The following SH3KBP1 variants were observed in gnomAD, a reference collection of about 807,000 sequenced individuals.
The protein encoded by SH3KBP1 is SH3 domain-containing kinase-binding protein 1.
Under a neutral mutation model 50.1 loss-of-function variants are expected in SH3KBP1, and 8 were observed. The ratio of observed to expected loss-of-function variants is 0.16; its 90% CI spans 0.09 to 0.29. SH3KBP1 has a LOEUF of 0.29. SH3KBP1 is among the 10% of genes least tolerant of loss of function. The probability of loss-of-function intolerance (pLI) is 1.00; values close to 1 mark genes in which losing one functional copy is unlikely to be tolerated. For synonymous variants in SH3KBP1, 227 were observed against 218.6 expected (o/e 1.04, Z -0.34); for missense variants, 377 against 535.2 (o/e 0.70, Z 2.92).
intron 3 of SH3KBP1, among the ~76,000 whole-genome samples, chrX:19,707,642 G>T (rs73459702): frequency 0.18 from 20,121 of 110,747 alleles, 1,667 homozygotes; most frequent in African/African-American, 0.3. Context: ...GACAAATCAA[G>T]ATAAGAGCCA....
chrX:19,692,673 G>GTA lies in SH3KBP1; in HGVS notation c.520+2937_520+2938dup, dbSNP rs1235922665. On this transcript the variant is annotated intron_variant, in intron 5 of 17. Transcript: ENST00000397821. ...TGTGTGTGTGTGTGTGTGTGTGTAT[G>GTA]TATATATATATATATATTTTTTTTT... is the stretch of plus-strand genomic sequence containing the variant. Among the ~76,000 whole-genome samples, 81 of 76,623 alleles carry GTA rather than the reference G, an allele frequency of 1.1e-3. 1 individual carries two copies. Among genetic ancestry groups the GTA allele is most frequent in the Admixed American group, 4.4e-3 (28 of 6,402 alleles). The allele number at this position is 76,623 out of a possible 115,157, so 66.5% of individuals were successfully genotyped here. A position where few individuals can be genotyped will look rare whatever the true frequency, so the allele number is the denominator to read the frequency against.
At chrX:19,702,656 T>TAA (rs756113280) in intron 4 of SH3KBP1, among the ~76,000 whole-genome samples, 2 of 103,180 alleles carry the variant, frequency 1.9e-5, no homozygotes, top group African/African-American at 7.1e-5. Flanking sequence ...CAATGCACTT[T>TAA]AAAAAAAAAA....
chrX:19,685,184 AT>A (rs767600271), intron 5 of SH3KBP1, among the ~76,000 whole-genome samples: 1 of 112,491 alleles, frequency 8.9e-6, no homozygotes, highest in South Asian at 3.6e-4. Flanking sequence ...CCAATTGTGC[AT>A]TATCTTCCTA....
chrX:19,722,858 G>A (rs2064108694), intron 3 of SH3KBP1, among the ~76,000 whole-genome samples: 2 of 109,377 alleles, frequency 1.8e-5, no homozygotes, highest in South Asian at 7.7e-4. Flanking sequence ...GTCTCAACCA[G>A]GCATGCTGGC....
intron 6 of SH3KBP1, among the ~76,000 whole-genome samples, chrX:19,672,007 C>T (rs2062809643): frequency 8.9e-6 from 1 of 112,118 alleles, no homozygotes; most frequent in Non-Finnish European, 1.9e-5. Context: ...ACTGCCTGCA[C>T]TGTATCTAAC....
intron 7 of SH3KBP1, among the ~76,000 whole-genome samples, chrX:19,632,734 T>C (rs1389515842): frequency 1.8e-5 from 2 of 112,886 alleles, no homozygotes; most frequent in Non-Finnish European, 3.7e-5. Context: ...TGTTAAATCA[T>C]CTCTATTTAT....
chrX:19,721,582 G>A (rs2064060679), intron 3 of SH3KBP1, among the ~76,000 whole-genome samples: 1 of 111,377 alleles, frequency 9.0e-6, no homozygotes, highest in Admixed American at 9.5e-5. Context: ...TAATTCTTTG[G>A]TTCCCTTTTT....
chrX:19,791,671 C>T (rs947975693), intron 2 of SH3KBP1, among the ~76,000 whole-genome samples: 47 of 111,178 alleles, frequency 4.2e-4, no homozygotes, highest in African/African-American at 1.4e-3. Flanking sequence ...TGAGAATTCA[C>T]GAGCATATAG....
intron 12 of SH3KBP1, among the ~76,000 whole-genome samples, chrX:19,581,835 C>A (rs1325629838): frequency 9.6e-6 from 1 of 103,930 alleles, no homozygotes; most frequent in African/African-American, 3.6e-5. Flanking sequence ...ATCCAGTGCT[C>A]CAGCATCACT....
At position 19,760,023 on chromosome X, in the gene SH3KBP1, CCTCTCTCTCTCTCTCTCCCTCT is replaced by C. The variant is rs1300218441; in HGVS notation, c.163-13604_163-13583del. On this transcript the variant is annotated intron_variant, in intron 2 of 17. Coordinates refer to ENST00000397821, the MANE Select transcript of SH3KBP1 (RefSeq NM_031892.3). ...AATCAGTCTCGGTCTCTCTCTCTCT[CCTCTCTCTCTCTCTCTCCCTCT>C]CTCTCTCTCTCTCTCTCTCTCTCTC... Among the ~76,000 whole-genome samples the C allele has an allele frequency of 4.0e-3, 332 of 83,580 alleles. 2 individuals carry two copies. The highest frequency in any genetic ancestry group is 0.012 in the African/African-American group (198 of 16,948). 72.6% of individuals were successfully genotyped at this position (83,580 alleles called of 115,157 possible). A position where few individuals can be genotyped will look rare whatever the true frequency, so the allele number is the denominator to read the frequency against.
At position 19,773,839 on chromosome X, in the gene SH3KBP1, GA is replaced by G. The variant is rs1421407218; in HGVS notation, c.163-27399del. On this transcript the variant is annotated intron_variant, in intron 2 of 17. Transcript: ENST00000397821. Reference sequence around the variant, plus strand: ...CCACTGCACCCCAGCCTGGGCGACAGAGCGAGACTCCGGCTCGAAAAAAAAA... The same window carrying G: ...CCACTGCACCCCAGCCTGGGCGACAGGCGAGACTCCGGCTCGAAAAAAAAA... Among the ~76,000 whole-genome samples, 29 of 79,104 alleles carry G rather than the reference GA, an allele frequency of 3.7e-4. No individual in the cohort carries two copies. In the Admixed American group the frequency reaches 4.7e-3, roughly 13 times the overall value. 68.7% of individuals were successfully genotyped at this position (79,104 alleles called of 115,157 possible).
chrX:19,566,622 G>A (rs2065850023), intron 13 of SH3KBP1, among the ~76,000 whole-genome samples: 1 of 111,500 alleles, frequency 9.0e-6, no homozygotes, highest in Non-Finnish European at 1.9e-5. Context: ...GGCTCATTCT[G>A]ACAATCCCCT....
At chrX:19,759,806 T>C (rs2065321841) in intron 2 of SH3KBP1, among the ~76,000 whole-genome samples, 1 of 111,540 alleles carries the variant, frequency 9.0e-6, no homozygotes, top group African/African-American at 3.3e-5. Context: ...GATCAAATGC[T>C]AAACTGTACA....
intron 6 of SH3KBP1, among the ~76,000 whole-genome samples, chrX:19,674,925 A>G (rs1438064826): frequency 9.1e-6 from 1 of 109,928 alleles, no homozygotes; most frequent in Non-Finnish European, 1.9e-5. Context: ...CTAAAAATAC[A>G]AAAATCAGCC....
chrX:19,642,526 TC>T (rs1275000187), intron 7 of SH3KBP1, among the ~76,000 whole-genome samples: 2 of 111,895 alleles, frequency 1.8e-5, no homozygotes, highest in Non-Finnish European at 3.8e-5. Context: ...CAAGGATTTT[TC>T]CCCCCAACCC....
At chrX:19,828,665 T>A (rs184630160) in intron 2 of SH3KBP1, among the ~76,000 whole-genome samples, 42 of 111,040 alleles carry the variant, frequency 3.8e-4, no homozygotes, top group Non-Finnish European at 5.5e-4. Flanking sequence ...ATACCTGTGG[T>A]CCTAGCTACT....
At chrX:19,615,464 C>T (rs2067579041) in intron 8 of SH3KBP1, among the ~76,000 whole-genome samples, 1 of 111,718 alleles carries the variant, frequency 9.0e-6, no homozygotes, top group Admixed American at 9.5e-5. Flanking sequence ...CAGCATGCCC[C>T]CAGAGGGCCT....
chrX:19,750,467 G>A (rs1410244790), intron 2 of SH3KBP1, among the ~76,000 whole-genome samples: 1 of 112,200 alleles, frequency 8.9e-6, no homozygotes, highest in Non-Finnish European at 1.9e-5. Context: ...TGTTGTTCTT[G>A]TCAGTCCCTA....
At position 19,569,165 on chromosome X, in the gene SH3KBP1, A is replaced by C. The variant is rs764658016; in HGVS notation, c.1322T>G (p.Leu441Trp). 8 of 1,210,951 alleles carry C rather than the reference A, an allele frequency of 6.6e-6. No homozygotes were observed. Among genetic ancestry groups the C allele is most frequent in the Non-Finnish European group, 1.1e-6 (1 of 894,419 alleles). Residue 441 changes from leucine (L) to tryptophan (W), a missense_variant, in exon 13 of 18, where the codon TTG becomes TGG. Transcript: ENST00000397821. ...GATGCCAGATAGCGAACTGCCGGCC[A>C]AGTCAATCTTTGGACTGTCACCCCT... ...HTRGDSPKID[L>W]AGSSLSGILD...
Sources: allele counts gnomAD v4.1 joint callset (sites outside exome capture counted in the v4.1 genomes callset), GRCh38; gene constraint gnomAD v4.1.1; transcripts MANE v1.5; gene names NCBI Gene and HGNC (gene_info 2026-07-23, HGNC 2026-07-21).